The following GBE1 variants were observed in gnomAD, a reference collection of about 807,000 sequenced individuals.
GBE1 encodes 1,4-alpha-glucan-branching enzyme.
Under a neutral mutation model 88.8 loss-of-function variants are expected in GBE1, and 70 were observed. The observed-to-expected ratio is 0.79, with a 90% confidence interval of 0.65 to 0.96. The LOEUF (loss-of-function observed/expected upper bound fraction) is 0.96. Ranked by LOEUF, GBE1 falls within the 40% of genes least tolerant of loss-of-function variation. The probability of loss-of-function intolerance (pLI) is 0.00; values close to 1 mark genes in which losing one functional copy is unlikely to be tolerated. For missense variants in GBE1, 872 were observed against 871.0 expected, an observed-to-expected ratio of 1.00 and a Z score of -0.01; for synonymous variants, 284 against 300.1, an observed-to-expected ratio of 0.95 and a Z score of 0.56.
intron 12 of GBE1, among the ~76,000 whole-genome samples, chr3:81,567,980 CT>C (rs1238954497): frequency 6.6e-6 from 1 of 152,148 alleles, no homozygotes; most frequent in Non-Finnish European, 1.5e-5. Flanking sequence ...TTCTTGAGTA[CT>C]AAGTTACAGT....
chr3:81,636,337 A>G (rs1704591048), intron 7 of GBE1, among the ~76,000 whole-genome samples: 1 of 152,292 alleles, frequency 6.6e-6, no homozygotes, highest in African/African-American at 2.4e-5. Flanking sequence ...AAAAATATTA[A>G]GAAAACAGGA....
At chr3:81,664,234 A>C (rs1475427471) in intron 3 of GBE1, among the ~76,000 whole-genome samples, 3 of 152,084 alleles carry the variant, frequency 2.0e-5, no homozygotes, top group African/African-American at 7.2e-5. Flanking sequence ...ACATAATTTG[A>C]CTTAACCTAG....
At chr3:81,636,591 C>T (rs575267400) in intron 7 of GBE1, among the ~76,000 whole-genome samples, 95 of 150,450 alleles carry the variant, frequency 6.3e-4, no homozygotes, top group African/African-American at 2.1e-3. Context: ...AGTGCAATGG[C>T]GCAATCTCGG....
In GBE1 at chr3:81,515,645, T is replaced by C. The variant is rs984157451; in HGVS notation, c.1935-16418A>G. 2.6e-5 allele frequency among the ~76,000 whole-genome samples: 4 copies of C among 151,786 alleles called. No homozygotes were observed. The South Asian group carries it at 8.3e-4, about 31-fold the overall frequency. On this transcript the variant is annotated intron_variant, in intron 14 of 15. Coordinates refer to ENST00000429644, the MANE Select transcript of GBE1 (RefSeq NM_000158.4). ...ATGATTAAGCTTAGTGAGAAAGGCATGTTCAAAGTTGAGACAGGACAAAGG... is the reference window on the plus strand; with the variant it reads ...ATGATTAAGCTTAGTGAGAAAGGCACGTTCAAAGTTGAGACAGGACAAAGG...
At chr3:81,649,107 C>T (rs1166444106) in intron 4 of GBE1, 116 bp from the exon 5 acceptor site, 14 of 683,852 alleles carry the variant, frequency 2.0e-5, no homozygotes, top group African/African-American at 9.6e-5. Context: ...ACTATTCTCA[C>T]ATATAAAAGG....
intron 14 of GBE1, among the ~76,000 whole-genome samples, chr3:81,534,417 A>T (rs956008627): frequency 6.6e-6 from 1 of 152,030 alleles, no homozygotes; most frequent in African/African-American, 2.4e-5. Flanking sequence ...ATAGGTACTC[A>T]GTAAGTATCT....
At chr3:81,684,686 T>C (rs1309692771) in intron 2 of GBE1, among the ~76,000 whole-genome samples, 1 of 152,226 alleles carries the variant, frequency 6.6e-6, no homozygotes, top group East Asian at 1.9e-4. Context: ...CTAGATTTTA[T>C]GTTTGCCCTC....
chr3:81,556,356 A>C (rs1703348815), intron 12 of GBE1, among the ~76,000 whole-genome samples: 1 of 152,120 alleles, frequency 6.6e-6, no homozygotes, highest in South Asian at 2.1e-4. Context: ...AATTACCCTA[A>C]AAAGATTAAA....
intron 1 of GBE1, chr3:81,743,670 A>G (rs1255233946): frequency 1.2e-5 from 15 of 1,267,860 alleles, no homozygotes; most frequent in African/African-American, 3.0e-5. Flanking sequence ...AGCAGACAGC[A>G]GTCACCTGAT....
chr3:81,702,102 A>AGAGAGAGAGT (rs1468506890), intron 2 of GBE1, among the ~76,000 whole-genome samples: 4 of 115,406 alleles, frequency 3.5e-5, no homozygotes, highest in African/African-American at 1.2e-4. Flanking sequence ...AGAGAGAGAG[A>AGAGAGAGAGT]GTGTGTGTGT....
Position 81,516,115 on chromosome 3 carries a change from A to C in GBE1, c.1935-16888T>G, listed in dbSNP as rs539738796. On this transcript the variant is annotated intron_variant, in intron 14 of 15. Coordinates refer to ENST00000429644, the MANE Select transcript of GBE1 (RefSeq NM_000158.4). Reference sequence around the variant, plus strand: ...AACAATGGATTTTCAGTGTAGATGAAGCAGGCTTCCATTGAAAGATGCCAT... The same window carrying C: ...AACAATGGATTTTCAGTGTAGATGACGCAGGCTTCCATTGAAAGATGCCAT... Among the ~76,000 whole-genome samples the C allele has an allele frequency of 7.9e-5, 12 of 151,726 alleles. 1 individual carries two copies. In the South Asian group the frequency reaches 2.5e-3, roughly 31 times the overall value.
At chr3:81,757,786 A>T (rs908128370) in intron 1 of GBE1, among the ~76,000 whole-genome samples, 3 of 152,208 alleles carry the variant, frequency 2.0e-5, no homozygotes, top group Non-Finnish European at 2.9e-5. Flanking sequence ...TGAAGATATA[A>T]ATAAGTCCAA....
intron 2 of GBE1, among the ~76,000 whole-genome samples, chr3:81,690,269 C>T (rs533775750): frequency 1.3e-5 from 2 of 152,322 alleles, no homozygotes; most frequent in Non-Finnish European, 2.9e-5. Context: ...TGTTCATCCC[C>T]TCAGCGCTAA....
intron 7 of GBE1, among the ~76,000 whole-genome samples, chr3:81,618,373 G>A (rs867643579): frequency 2.6e-5 from 4 of 151,950 alleles, no homozygotes; most frequent in Admixed American, 6.6e-5. Context: ...ACTTATTAAC[G>A]TAAGTACTCA....
chr3:81,492,089 C>T (rs1307147534), intron 15 of GBE1, among the ~76,000 whole-genome samples: 3 of 152,190 alleles, frequency 2.0e-5, no homozygotes, highest in Admixed American at 1.3e-4. Context: ...CAAATGCCAG[C>T]AGTCGCTGTG....
intron 15 of GBE1, 122 bp downstream of exon 15, chr3:81,498,988 C>T: frequency 1.5e-6 from 1 of 662,860 alleles, no homozygotes; most frequent in Non-Finnish European, 2.6e-6. Flanking sequence ...TCTCCCTAAC[C>T]CCTTTCCTTC....
At chr3:81,494,980 G>T (rs185143005) in intron 15 of GBE1, among the ~76,000 whole-genome samples, 1 of 152,214 alleles carries the variant, frequency 6.6e-6, no homozygotes, top group East Asian at 1.9e-4. Flanking sequence ...TTTAAAAAAA[G>T]AAAAGTTTAA....
At chr3:81,588,807 T>C (rs2106948877) in intron 9 of GBE1, among the ~76,000 whole-genome samples, 1 of 152,264 alleles carries the variant, frequency 6.6e-6, no homozygotes, top group Non-Finnish European at 1.5e-5. Context: ...AGAGATGGAT[T>C]TGAGACTGAT....
chr3:81,658,668 C>CTCT (rs1317126627), intron 3 of GBE1, among the ~76,000 whole-genome samples: 4 of 152,126 alleles, frequency 2.6e-5, no homozygotes, highest in Non-Finnish European at 4.4e-5. Context: ...TCTTTCTCTG[C>CTCT]TTTTCTACCG....
Sources: gnomAD v4.1 joint callset for allele counts (sites outside exome capture counted in the v4.1 genomes callset) on GRCh38, gnomAD v4.1.1 for gene constraint, MANE v1.5 for transcripts, NCBI Gene and HGNC (gene_info 2026-07-23, HGNC 2026-07-21) for gene names.